Variants in SNAP91 observed in about 807,000 individuals in gnomAD.
The protein encoded by SNAP91 is clathrin coat assembly protein AP180.
In SNAP91, 27 loss-of-function variants were observed where a neutral mutation model predicts 100.3. The ratio of observed to expected loss-of-function variants is 0.27; its 90% CI spans 0.20 to 0.37. The LOEUF is 0.37. Among genes scored for constraint, SNAP91 ranks in the 10% least tolerant of loss-of-function variants. The probability of loss-of-function intolerance (pLI) is 1.00; values close to 1 mark genes in which losing one functional copy is unlikely to be tolerated. For synonymous variants in SNAP91, 404 were observed against 398.6 expected, an observed-to-expected ratio of 1.01 and a Z score of -0.16; for missense variants, 986 against 1,123.7, an observed-to-expected ratio of 0.88 and a Z score of 1.75.
intron 8 of SNAP91, among the ~76,000 whole-genome samples, chr6:83,631,200 G>A (rs1272930409): frequency 6.6e-6 from 1 of 152,146 alleles, no homozygotes; most frequent in Non-Finnish European, 1.5e-5. Context: ...TGTGGTCTGA[G>A]AGAGTGCTTC....
At chr6:83,573,580 C>A (rs1295483688) in intron 26 of SNAP91, among the ~76,000 whole-genome samples, 1 of 152,192 alleles carries the variant, frequency 6.6e-6, no homozygotes, top group African/African-American at 2.4e-5. Flanking sequence ...ACCAAAACAG[C>A]ATGGTACTGG....
intron 1 of SNAP91, chr6:83,708,514 G>T (rs973709448): frequency 6.6e-6 from 1 of 152,638 alleles, no homozygotes; most frequent in Middle Eastern, 3.4e-3. Context: ...GTTGCGCCAT[G>T]TTATGCCCTC....
rs2128657780 is a variant in SNAP91 at position 83,652,308 on chromosome 6, G to T, written c.658+4446C>A. The stretch of plus-strand genomic sequence containing the variant: ...TCTTCCACTCTTTTCTACCCTTTGT[G>T]GTTTTAAATGAGCACTTTATAAGAT... On this transcript the variant is annotated intron_variant, in intron 7 of 29. Coordinates refer to ENST00000369694, the MANE Select transcript of SNAP91 (RefSeq NM_001242792.2). Among the ~76,000 whole-genome samples, 4 of 152,082 alleles carry T rather than the reference G, an allele frequency of 2.6e-5. No individual in the cohort carries two copies. In the Middle Eastern group the frequency reaches 0.01, roughly 391 times the overall value.
At chr6:83,559,839 A>T (rs1435945451) in intron 28 of SNAP91, among the ~76,000 whole-genome samples, 1 of 152,172 alleles carries the variant, frequency 6.6e-6, no homozygotes, top group Non-Finnish European at 1.5e-5. Flanking sequence ...CATGCCTTGG[A>T]TGCCCTGAAT....
chr6:83,572,257 G>GT (rs977158601), intron 26 of SNAP91, among the ~76,000 whole-genome samples: 25 of 151,576 alleles, frequency 1.6e-4, no homozygotes, highest in Middle Eastern at 3.4e-3. Context: ...TTTTCCTTTT[G>GT]TTTTTTTTGA....
intron 3 of SNAP91, among the ~76,000 whole-genome samples, chr6:83,664,698 A>T (rs1402794813): frequency 6.6e-6 from 1 of 152,176 alleles, no homozygotes; most frequent in Non-Finnish European, 1.5e-5. Context: ...AATAACAACA[A>T]AGGATATAGA....
chr6:83,615,570 C>T (rs191187822), intron 10 of SNAP91, among the ~76,000 whole-genome samples: 1 of 152,152 alleles, frequency 6.6e-6, no homozygotes, highest in African/African-American at 2.4e-5. Context: ...TCTGATCATC[C>T]CCGGCCACGC....
chr6:83,670,025 T>C (rs570486018), intron 2 of SNAP91, among the ~76,000 whole-genome samples: 19 of 152,104 alleles, frequency 1.2e-4, no homozygotes, highest in African/African-American at 3.8e-4. Flanking sequence ...AGTAGAATAG[T>C]TGAGTCATTT....
Position 83,593,624 on chromosome 6 carries a change from G to A in SNAP91, c.1550C>T (p.Pro517Leu), listed in dbSNP as rs376878292. 8 of 1,610,268 alleles carry A rather than the reference G, an allele frequency of 5.0e-6. No homozygotes were observed. The highest frequency in any genetic ancestry group is 3.3e-5 in the South Asian group (3 of 90,478). Residue 517 changes from proline to leucine, a missense_variant, in exon 18 of 30, where the codon CCA (proline) becomes CTA (leucine). Physicochemically the swap from Pro to Leu is moderately conservative, Grantham distance 98. Coordinates refer to ENST00000369694, the MANE Select transcript of SNAP91 (RefSeq NM_001242792.2). ...AGGAGAAGGAGCAGTTGCGGGAACT[G>A]GAGGGGCTGTGCTAGCTGTAGGGGT... ...VVTPTASTAP[P>L]VPATAPSPAP... is the part of the protein sequence containing the mutation.
intron 1 of SNAP91, chr6:83,708,203 C>T (rs2099406635): frequency 4.8e-6 from 2 of 419,404 alleles, no homozygotes; most frequent in South Asian, 7.1e-5. Flanking sequence ...GACACCGTCC[C>T]CATTCTCCCC....
rs369598115 is a variant in SNAP91, at chr6:83,602,489, A to T, written c.1142-890T>A. ...CAGAATTCAAATATGCTTCAATAAT[A>T]GAAGTGGCTTGATCTTATCAAACAA... On this transcript the variant is annotated intron_variant, in intron 14 of 29. Transcript: ENST00000369694. Among the ~76,000 whole-genome samples, 51 of 152,322 alleles carry T rather than the reference A, an allele frequency of 3.3e-4. 1 individual carries two copies. In the South Asian group the frequency reaches 7.0e-3, roughly 21 times the overall value.
intron 8 of SNAP91, among the ~76,000 whole-genome samples, chr6:83,630,734 C>T (rs1231610862): frequency 1.3e-5 from 2 of 150,926 alleles, no homozygotes; most frequent in Non-Finnish European, 3.0e-5. Context: ...TTCTCTCTTC[C>T]TTTCTTGGTT....
intron 7 of SNAP91, among the ~76,000 whole-genome samples, chr6:83,646,992 T>C (rs2097946915): frequency 6.6e-6 from 1 of 152,322 alleles, no homozygotes; most frequent in South Asian, 2.1e-4. Context: ...TGCTTGTTCA[T>C]TGCTAGTATA....
At chr6:83,573,484 G>A (rs1584661126) in intron 26 of SNAP91, among the ~76,000 whole-genome samples, 2 of 152,050 alleles carry the variant, frequency 1.3e-5, no homozygotes, top group South Asian at 4.2e-4. Flanking sequence ...AAAAGAGCCT[G>A]CATTGCCAAG....
chr6:83,582,410 C>A, intron 22 of SNAP91, 54 bp from the exon 23 acceptor site: 15 of 1,525,482 alleles, frequency 9.8e-6, no homozygotes, highest in South Asian at 3.8e-5. Context: ...TGGGTAAAGG[C>A]CATAAAAACT....
intron 2 of SNAP91, among the ~76,000 whole-genome samples, chr6:83,679,895 A>G (rs2098963187): frequency 6.6e-6 from 1 of 152,176 alleles, no homozygotes; most frequent in Admixed American, 6.6e-5. Context: ...GCAACACAAA[A>G]TTATATACTA....
rs1395970127 is a variant in SNAP91 at position 83,591,259 on chromosome 6, C to T, written c.1966G>A (p.Ala656Thr). The change falls in exon 22 of 30, where the codon GCA becomes ACA. Residue 656 changes from alanine to threonine, a missense_variant. Coordinates refer to ENST00000369694, the MANE Select transcript of SNAP91 (RefSeq NM_001242792.2). ...FGSSASEPQP[A>T]SQAASSSSAS... is the part of the protein sequence containing the mutation. ...GATGAACTAGAAGCAGCCTGAGATG[C>T]AGGTTGGGGTTCAGAAGCACTACTT... The T allele has an allele frequency of 1.9e-6, 3 of 1,612,790 alleles. No individual in the cohort carries two copies. The African/African-American group carries it at 4.0e-5, about 22-fold the overall frequency.
intron 2 of SNAP91, among the ~76,000 whole-genome samples, chr6:83,680,176 T>C (rs1383288731): frequency 2.6e-5 from 4 of 152,112 alleles, no homozygotes; most frequent in African/African-American, 7.2e-5. Context: ...GAGTTTATCA[T>C]ATTACTTCCC....
At chr6:83,684,405 C>G (rs1379457529) in intron 2 of SNAP91, among the ~76,000 whole-genome samples, 3 of 152,176 alleles carry the variant, frequency 2.0e-5, no homozygotes, top group Admixed American at 1.3e-4. Context: ...TGCTCTTTCA[C>G]AACTGTATGT....
Sources: allele counts gnomAD v4.1 joint callset (sites outside exome capture counted in the v4.1 genomes callset), GRCh38; gene constraint gnomAD v4.1.1; transcripts MANE v1.5; gene names NCBI Gene and HGNC (gene_info 2026-07-23, HGNC 2026-07-21).